ZNF697: variants seen among roughly 807,000 people sequenced by gnomAD.
ZNF697 encodes the protein zinc finger protein 697.
Under a neutral mutation model 32.4 loss-of-function variants are expected in ZNF697, and 23 were observed. The ratio of observed to expected loss-of-function variants is 0.71; its 90% CI spans 0.51 to 1.01. The LOEUF is 1.01. Ranked by LOEUF, ZNF697 falls within the 50% of genes least tolerant of loss-of-function variation. The pLI, the probability that ZNF697 is intolerant of heterozygous loss-of-function variation, is 0.00. For synonymous variants in ZNF697, 418 were observed against 337.2 expected (o/e 1.24, Z -2.62); for missense variants, 930 against 794.0 (o/e 1.17, Z -2.06).
chr1:119,630,900 T>C (rs1238479080), intron 1 of ZNF697, among the ~76,000 whole-genome samples: 1 of 150,814 alleles, frequency 6.6e-6, no homozygotes, highest in African/African-American at 2.4e-5. Flanking sequence ...GGGAATGAGG[T>C]GGGAAGATCG....
At position 119,619,888 on chromosome 1, in the gene ZNF697, A is replaced by C. The variant is rs1648255028; in HGVS notation, c.*2817T>G. The C allele has an allele frequency of 6.6e-6, 1 of 152,662 alleles. No homozygotes were observed. The highest frequency in any genetic ancestry group is 6.5e-5 in the Admixed American group (1 of 15,284). 9.5% of individuals were successfully genotyped at this position (152,662 alleles called of 1,614,324 possible). A position where few individuals can be genotyped will look rare whatever the true frequency, so the allele number is the denominator to read the frequency against. Reference sequence around the variant, plus strand: ...TCTTCATCAAATTCTCCAGGAAACAAATAATACACTTGCTTCCACCATCAT... The same window carrying C: ...TCTTCATCAAATTCTCCAGGAAACACATAATACACTTGCTTCCACCATCAT... On this transcript the variant is annotated 3_prime_UTR_variant, in exon 3 of 3. Transcript: ENST00000421812.
chr1:119,623,943 C>A lies in ZNF697; in HGVS notation c.400G>T (p.Glu134Ter), dbSNP rs1456883743. 6.3e-7 allele frequency: 1 copy of A among 1,597,644 alleles called. No homozygotes were observed. The highest frequency in any genetic ancestry group is 8.5e-7 in the Non-Finnish European group (1 of 1,172,350). ...GGAAGTACGGGAGGGGCCGGCTGCT[C>A]CTCTTCCTCCTCCAGCCGGTTCTCC... ...AGENRLEEEEEQPAPPVLPWR... is the reference protein window; with the variant it reads ...AGENRLEEEE The change falls in exon 3 of 3, where the codon GAG (glutamate) becomes TAG (stop). Residue 134 changes from glutamate (E) to a stop codon, truncating the protein, a stop_gained. Coordinates refer to ENST00000421812, the MANE Select transcript of ZNF697 (RefSeq NM_001080470.2). LOFTEE classifies it high-confidence loss of function.
intron 1 of ZNF697, among the ~76,000 whole-genome samples, chr1:119,640,848 A>AT (rs1461523747): frequency 3.3e-5 from 5 of 152,240 alleles, no homozygotes; most frequent in African/African-American, 1.2e-4. Context: ...TGCATTTAAC[A>AT]TTAAGAGTGG....
intron 1 of ZNF697, among the ~76,000 whole-genome samples, chr1:119,642,681 A>G (rs1040326716): frequency 2.0e-5 from 3 of 152,196 alleles, no homozygotes; most frequent in Admixed American, 6.5e-5. Context: ...AATGAAATAA[A>G]AAAACACATT....
Position 119,619,926 on chromosome 1 carries a change from G to A in ZNF697, c.*2779C>T, listed in dbSNP as rs587632245. The A allele has an allele frequency of 8.6e-4, 131 of 152,692 alleles. 1 individual carries two copies. Among genetic ancestry groups the A allele is most frequent in the Non-Finnish European group, 7.6e-4 (52 of 68,024 alleles). 9.5% of individuals were successfully genotyped at this position (152,692 alleles called of 1,614,324 possible). A position where few individuals can be genotyped will look rare whatever the true frequency, so the allele number is the denominator to read the frequency against. On this transcript the variant is annotated 3_prime_UTR_variant, in exon 3 of 3. Transcript: ENST00000421812. ...CTTCCACCATCATTAATGAGTTGGT[G>A]GAAAAAGTCCTCAGATTAACGTTTT...
chr1:119,626,042 A>G lies in ZNF697; in HGVS notation c.59T>C (p.Met20Thr), dbSNP rs762742389. Reference sequence around the variant, plus strand: ...CTCAGAGTCCTCAAAATCAGAACCCATCCCTTTGTCTTCTGAGTCCTGGTG... The same window carrying G: ...CTCAGAGTCCTCAAAATCAGAACCCGTCCCTTTGTCTTCTGAGTCCTGGTG... ...CAHQDSEDKGMGSDFEDSEDR... is the reference protein window; with the variant it reads ...CAHQDSEDKGTGSDFEDSEDR... The change falls in exon 2 of 3, where the codon ATG becomes ACG. Residue 20 changes from methionine to threonine, a missense_variant. Met to Thr is a moderately conservative substitution (Grantham distance 81, BLOSUM62 -1). Transcript: ENST00000421812. 1 of 1,613,938 alleles carries G rather than the reference A, an allele frequency of 6.2e-7. No homozygotes were observed. The highest frequency in any genetic ancestry group is 1.7e-5 in the Admixed American group (1 of 60,012).
At chr1:119,637,287 C>T (rs191360650) in intron 1 of ZNF697, among the ~76,000 whole-genome samples, 53 of 152,364 alleles carry the variant, frequency 3.5e-4, no homozygotes, top group African/African-American at 1.3e-3. Flanking sequence ...GGACTCAGTT[C>T]ATCCAATGTG....
chr1:119,648,057 A>AGCCACGCTCCT lies in ZNF697; in HGVS notation c.-415_-405dup, dbSNP rs1649263847. Among the ~76,000 whole-genome samples the AGCCACGCTCCT allele has an allele frequency of 6.6e-6, 1 of 152,172 alleles. No individual in the cohort carries two copies. The highest frequency in any genetic ancestry group is 2.4e-5 in the African/African-American group (1 of 41,446). On this transcript the variant is annotated 5_prime_UTR_variant, in exon 1 of 3. Coordinates refer to ENST00000421812, the MANE Select transcript of ZNF697 (RefSeq NM_001080470.2). ...CCGGGAGGCGGTTGAGCCCAGCCAC[A>AGCCACGCTCCT]GCCACGCTCCTACCTGCGAGGCGGC...
At chr1:119,631,985 G>T (rs1333417971) in intron 1 of ZNF697, among the ~76,000 whole-genome samples, 1 of 152,160 alleles carries the variant, frequency 6.6e-6, no homozygotes, top group Admixed American at 6.5e-5. Flanking sequence ...TTCAGCCTGC[G>T]GTTCAAAAGG....
chr1:119,630,191 A>G (rs1318767502), intron 1 of ZNF697, among the ~76,000 whole-genome samples: 1 of 152,204 alleles, frequency 6.6e-6, no homozygotes, highest in Non-Finnish European at 1.5e-5. Flanking sequence ...GACTTTAAGC[A>G]TTTGCCCCCT....
At chr1:119,628,338 A>G (rs1466074336) in intron 1 of ZNF697, among the ~76,000 whole-genome samples, 4 of 152,202 alleles carry the variant, frequency 2.6e-5, no homozygotes, top group Non-Finnish European at 4.4e-5. Flanking sequence ...CACCTCAGAC[A>G]TAGCAATAAT....
At chr1:119,626,348 T>G (rs943095806) in intron 1 of ZNF697, among the ~76,000 whole-genome samples, 1 of 152,184 alleles carries the variant, frequency 6.6e-6, no homozygotes, top group Non-Finnish European at 1.5e-5. Flanking sequence ...ACTATGAGGT[T>G]GGATGCCAAC....
At chr1:119,645,400 A>T (rs1649174909) in intron 1 of ZNF697, among the ~76,000 whole-genome samples, 1 of 152,218 alleles carries the variant, frequency 6.6e-6, no homozygotes, top group Non-Finnish European at 1.5e-5. Context: ...GGTGTCATTG[A>T]AATAATACAA....
In ZNF697 at chr1:119,619,396, A is replaced by C. The variant is rs1648238597; in HGVS notation, c.*3309T>G. 6.6e-6 allele frequency: 1 copy of C among 152,242 alleles called. No homozygotes were observed. The highest frequency in any genetic ancestry group is 1.5e-5 in the Non-Finnish European group (1 of 68,044). 9.4% of individuals were successfully genotyped at this position (152,242 alleles called of 1,614,324 possible). A position where few individuals can be genotyped will look rare whatever the true frequency, so the allele number is the denominator to read the frequency against. On this transcript the variant is annotated 3_prime_UTR_variant, in exon 3 of 3. Coordinates refer to ENST00000421812, the MANE Select transcript of ZNF697 (RefSeq NM_001080470.2). The stretch of plus-strand genomic sequence containing the variant: ...CATAGATAGAGCTGAGTGACATTTA[A>C]TGTGTGGCAAAGAAGAATGACATGG...
intron 1 of ZNF697, among the ~76,000 whole-genome samples, chr1:119,639,197 C>T (rs1649001493): frequency 6.6e-6 from 1 of 152,122 alleles, no homozygotes; most frequent in South Asian, 2.1e-4. Flanking sequence ...TTGACCCATC[C>T]CTCACCCCTT....
intron 1 of ZNF697, among the ~76,000 whole-genome samples, chr1:119,635,682 CCTT>C (rs772105121): frequency 1.3e-5 from 2 of 152,130 alleles, no homozygotes; most frequent in Non-Finnish European, 2.9e-5. Context: ...CCTAGAATCA[CCTT>C]CTAAGGGGAT....
rs587748397 is a variant in ZNF697 at position 119,623,437 on chromosome 1, G to C, written c.906C>G (p.Ala302=). 68 of 1,543,956 alleles carry C rather than the reference G, an allele frequency of 4.4e-5. No homozygotes were observed. In the Admixed American group the frequency reaches 1.0e-3, roughly 23 times the overall value. Residue 302 remains alanine, a synonymous_variant, in exon 3 of 3, where the codon GCC becomes GCG. Coordinates refer to ENST00000421812, the MANE Select transcript of ZNF697 (RefSeq NM_001080470.2). The part of the protein sequence containing the change: ...ADCGKSFSWR[A]DLLKHRRLHT... ...GCAGGCGCCGGTGCTTGAGCAGGTC[G>C]GCGCGCCAGCTGAAGCTCTTGCCGC...
At chr1:119,636,000 C>T (rs1469102529) in intron 1 of ZNF697, among the ~76,000 whole-genome samples, 1 of 152,026 alleles carries the variant, frequency 6.6e-6, no homozygotes, top group Admixed American at 6.6e-5. Context: ...CTAGGATGCA[C>T]ACACCCAGTC....
rs141118537 is a variant in ZNF697, at chr1:119,648,236, C to G, written c.-583G>C. Among the ~76,000 whole-genome samples the G allele has an allele frequency of 1.2e-4, 11 of 89,896 alleles. No homozygotes were observed. Among genetic ancestry groups the G allele is most frequent in the African/African-American group, 2.9e-4 (7 of 24,100 alleles). The allele number at this position is 89,896 out of a possible 152,430, so 59.0% of individuals were successfully genotyped here. A position where few individuals can be genotyped will look rare whatever the true frequency, so the allele number is the denominator to read the frequency against. ...TGGCTGGCTGGCTGGCTGGCTGGCT[C>G]GCTGGCTGGCTGCCCGGCTGACTCC... On this transcript the variant is annotated 5_prime_UTR_variant, in exon 1 of 3. Coordinates refer to ENST00000421812, the MANE Select transcript of ZNF697 (RefSeq NM_001080470.2).
Sources: allele counts gnomAD v4.1 joint callset (sites outside exome capture counted in the v4.1 genomes callset), GRCh38; gene constraint gnomAD v4.1.1; transcripts MANE v1.5; gene names NCBI Gene and HGNC (gene_info 2026-07-23, HGNC 2026-07-21).